The following ZNF385D variants were observed in gnomAD, a reference collection of about 807,000 sequenced individuals.
ZNF385D encodes zinc finger protein 659.
ZNF385D carries 15 observed loss-of-function variants against 35.8 expected under a neutral mutation model. That is an observed-to-expected ratio of 0.42 (90% CI 0.28 to 0.64). The LOEUF (loss-of-function observed/expected upper bound fraction) is 0.64. ZNF385D is among the 30% of genes least tolerant of loss of function. The pLI is 0.23. For synonymous variants in ZNF385D, 212 were observed against 186.8 expected, an observed-to-expected ratio of 1.13 and a Z score of -1.10; for missense variants, 474 against 494.6, an observed-to-expected ratio of 0.96 and a Z score of 0.39.
chr3:21,902,070 T>G (rs2080338017), intron 3 of ZNF385D, among the ~76,000 whole-genome samples: 1 of 152,206 alleles, frequency 6.6e-6, no homozygotes, highest in African/African-American at 2.4e-5. Flanking sequence ...GTAATGAAAT[T>G]CAAGGTTGTG....
intron 3 of ZNF385D, among the ~76,000 whole-genome samples, chr3:22,094,155 A>G (rs1158578233): frequency 2.0e-5 from 3 of 151,780 alleles, no homozygotes; most frequent in Non-Finnish European, 4.4e-5. Flanking sequence ...CCGGCATCAA[A>G]TATTCTAATT....
intron 3 of ZNF385D, among the ~76,000 whole-genome samples, chr3:21,762,251 G>A (rs779574592): frequency 2.0e-5 from 3 of 152,118 alleles, no homozygotes; most frequent in East Asian, 1.9e-4. Flanking sequence ...CAGCTGCTCC[G>A]TCCATTCTTC....
intron 1 of ZNF385D, among the ~76,000 whole-genome samples, chr3:21,744,925 G>A (rs775912600): frequency 3.9e-5 from 6 of 152,164 alleles, no homozygotes; most frequent in East Asian, 3.9e-4. Context: ...GTCAATGCCC[G>A]AGTACTAGCT....
intron 3 of ZNF385D, among the ~76,000 whole-genome samples, chr3:22,060,456 A>C (rs1383091791): frequency 6.6e-6 from 1 of 152,232 alleles, no homozygotes; most frequent in Non-Finnish European, 1.5e-5. Context: ...ATGAAGGGAC[A>C]GGAATAGCAT....
At chr3:21,422,830 A>G (rs1406449541) in intron 7 of ZNF385D, among the ~76,000 whole-genome samples, 2 of 152,192 alleles carry the variant, frequency 1.3e-5, no homozygotes, top group African/African-American at 2.4e-5. Context: ...TAATGAGGGA[A>G]CACATCTCAA....
At chr3:21,467,815 A>G (rs1374382134) in intron 4 of ZNF385D, among the ~76,000 whole-genome samples, 1 of 152,196 alleles carries the variant, frequency 6.6e-6, no homozygotes. Flanking sequence ...ATGTGGTATG[A>G]ATGTGAACAA....
In ZNF385D at chr3:22,247,830, C is replaced by T. The variant is rs570522648; in HGVS notation, c.107-78795G>A. Among the ~76,000 whole-genome samples, 3 of 151,982 alleles carry T rather than the reference C, an allele frequency of 2.0e-5. No homozygotes were observed. The South Asian group carries it at 6.2e-4, about 32-fold the overall frequency. ...ATGTTGGCCAGGATGGTGTTCATCT[C>T]CTGAGCTTATGATCCACCTGCCTCG... On this transcript the variant is annotated intron_variant, in intron 2 of 5. Coordinates refer to the ZNF385D transcript ENST00000494108.
chr3:21,618,347 T>C (rs1225221126), intron 2 of ZNF385D, among the ~76,000 whole-genome samples: 1 of 152,178 alleles, frequency 6.6e-6, no homozygotes, highest in Non-Finnish European at 1.5e-5. Flanking sequence ...CCGAGGATTT[T>C]CTGAAGCCAG....
intron 3 of ZNF385D, among the ~76,000 whole-genome samples, chr3:21,997,632 A>T (rs1270787973): frequency 6.6e-6 from 1 of 151,766 alleles, no homozygotes; most frequent in East Asian, 1.9e-4. Flanking sequence ...TAAGTGTTTC[A>T]TGTGTTTGCA....
chr3:22,060,005 A>G (rs1340649918), intron 3 of ZNF385D, among the ~76,000 whole-genome samples: 2 of 152,190 alleles, frequency 1.3e-5, no homozygotes, highest in Non-Finnish European at 2.9e-5. Flanking sequence ...GAGCTGAGAC[A>G]TCTACTCTTT....
intron 2 of ZNF385D, among the ~76,000 whole-genome samples, chr3:21,653,967 C>G (rs2065997484): frequency 6.6e-6 from 1 of 151,882 alleles, no homozygotes; most frequent in African/African-American, 2.4e-5. Context: ...TACATATGTA[C>G]AGATGTTCTA....
intron 3 of ZNF385D, among the ~76,000 whole-genome samples, chr3:22,135,318 C>A (rs1178668170): frequency 1.5e-5 from 2 of 136,354 alleles, no homozygotes; most frequent in Non-Finnish European, 3.0e-5. Flanking sequence ...ACACACATAC[C>A]CCAACATACA....
chr3:22,066,379 T>C (rs1483841527), intron 3 of ZNF385D, among the ~76,000 whole-genome samples: 1 of 149,754 alleles, frequency 6.7e-6, no homozygotes, highest in South Asian at 2.1e-4. Flanking sequence ...TGTGTGTGTA[T>C]GTAAAAAGAT....
intron 2 of ZNF385D, among the ~76,000 whole-genome samples, chr3:21,590,837 T>C (rs1389177077): frequency 6.6e-6 from 1 of 152,126 alleles, no homozygotes; most frequent in Non-Finnish European, 1.5e-5. Context: ...AATTAAAATA[T>C]TAAATATGTA....
At position 21,512,428 on chromosome 3, in the gene ZNF385D, T is replaced by G. The variant is rs574265546; in HGVS notation, c.277-1405A>C. ...CTTTGCCAAAAAATAATAATCACATTGTCCTCTTCATTACAGAACCTGTGA... is the reference window on the plus strand; with the variant it reads ...CTTTGCCAAAAAATAATAATCACATGGTCCTCTTCATTACAGAACCTGTGA... On this transcript the variant is annotated intron_variant, in intron 3 of 7. Transcript: ENST00000281523. Among the ~76,000 whole-genome samples, 3 of 152,180 alleles carry G rather than the reference T, an allele frequency of 2.0e-5. No homozygotes were observed. The South Asian group carries it at 6.2e-4, about 31-fold the overall frequency.
chr3:22,003,245 A>G (rs1032351879), intron 3 of ZNF385D, among the ~76,000 whole-genome samples: 2 of 152,242 alleles, frequency 1.3e-5, no homozygotes, highest in Non-Finnish European at 2.9e-5. Flanking sequence ...TACAAAAATC[A>G]ACATACAGAA....
At chr3:22,233,750 A>T (rs1699025945) in intron 2 of ZNF385D, among the ~76,000 whole-genome samples, 1 of 152,184 alleles carries the variant, frequency 6.6e-6, no homozygotes, top group East Asian at 1.9e-4. Context: ...TTTGAGTTCC[A>T]GGGTGGTTTA....
chr3:21,749,972 C>T (rs1277226371), intron 1 of ZNF385D, among the ~76,000 whole-genome samples: 1 of 129,762 alleles, frequency 7.7e-6, no homozygotes, highest in Non-Finnish European at 1.7e-5. Context: ...CATTTCCTAG[C>T]CCCTCTCCAG....
At chr3:22,202,649 G>C (rs1475282099) in intron 2 of ZNF385D, among the ~76,000 whole-genome samples, 2 of 152,164 alleles carry the variant, frequency 1.3e-5, no homozygotes, top group Non-Finnish European at 2.9e-5. Flanking sequence ...AGGAACTGAA[G>C]AGGATAGGAA....
Sources: allele counts gnomAD v4.1 joint callset (sites outside exome capture counted in the v4.1 genomes callset), GRCh38; gene constraint gnomAD v4.1.1; transcripts MANE v1.5; gene names NCBI Gene and HGNC (gene_info 2026-07-23, HGNC 2026-07-21).